MAGI3: variants seen among roughly 807,000 people sequenced by gnomAD.
MAGI3 encodes the protein membrane-associated guanylate kinase, WW and PDZ domain-containing protein 3.
In MAGI3, 43 loss-of-function variants were observed where a neutral mutation model predicts 121.8. The observed-to-expected ratio is 0.35, with a 90% CI of 0.28 to 0.46. MAGI3 has a LOEUF of 0.46. MAGI3 is among the 20% of genes least tolerant of loss of function. The probability of loss-of-function intolerance (pLI) is 1.00; values close to 1 mark genes in which losing one functional copy is unlikely to be tolerated. For synonymous variants in MAGI3, 553 were observed against 639.3 expected (o/e 0.86, Z 2.04); for missense variants, 1,547 against 1,797.3 (o/e 0.86, Z 2.52).
chr1:113,683,740 G>A lies in MAGI3; in HGVS notation c.4172G>A (p.Gly1391Glu), dbSNP rs1269591597. The A allele has an allele frequency of 6.2e-7, 1 of 1,601,000 alleles. No individual in the cohort carries two copies. The highest frequency in any genetic ancestry group is 8.5e-7 in the Non-Finnish European group (1 of 1,173,380). The change falls in exon 21 of 21, where the codon GGA becomes GAA. Residue 1391 changes from glycine to glutamate, a missense_variant. Gly to Glu is a moderately conservative substitution (Grantham distance 98). Transcript: ENST00000307546. The stretch of plus-strand genomic sequence containing the variant: ...GAAAAAGGAAAGAAAGTAACCACAG[G>A]AGAAACAAGTTCTAGTAACGATAAA... ...ENEKGKKVTT[G>E]ETSSSNDKIG...
At chr1:113,546,735 CAG>C (rs984298821) in intron 1 of MAGI3, among the ~76,000 whole-genome samples, 1 of 152,002 alleles carries the variant, frequency 6.6e-6, no homozygotes, top group Non-Finnish European at 1.5e-5. Context: ...CGGTGAAAAA[CAG>C]AGTGCAATTC....
At chr1:113,415,824 C>T (rs1431258008) in intron 1 of MAGI3, among the ~76,000 whole-genome samples, 1 of 151,882 alleles carries the variant, frequency 6.6e-6, no homozygotes, top group Non-Finnish European at 1.5e-5. Flanking sequence ...CCAATAGCTG[C>T]ACCTTCTGTA....
At chr1:113,473,060 T>A (rs1655621651) in intron 1 of MAGI3, among the ~76,000 whole-genome samples, 1 of 152,232 alleles carries the variant, frequency 6.6e-6, no homozygotes, top group African/African-American at 2.4e-5. Flanking sequence ...TCATGTATTT[T>A]CATGTTGTCA....
At chr1:113,662,842 A>G (rs535058986) in intron 16 of MAGI3, among the ~76,000 whole-genome samples, 2 of 152,320 alleles carry the variant, frequency 1.3e-5, no homozygotes, top group Non-Finnish European at 2.9e-5. Context: ...TCTAAGATCC[A>G]ATCCAGTATT....
intron 1 of MAGI3, among the ~76,000 whole-genome samples, chr1:113,531,413 G>A (rs983442596): frequency 5.3e-5 from 8 of 151,954 alleles, no homozygotes; most frequent in Non-Finnish European, 8.8e-5. Context: ...CCCTTGTTGT[G>A]GGCCTCAAGG....
chr1:113,653,834 A>G lies in MAGI3; in HGVS notation c.2445A>G (p.Lys815=), dbSNP rs1393767849. The stretch of plus-strand genomic sequence containing the variant: ...AACTGATCATGTTTATTACAGAAAA[A>G]CAACCCGAGGACGACAGCTCTCAGG... ...TVRRKIFYGE[K]QPEDDSSQAF... is the part of the protein sequence containing the mutation. The change falls in exon 15 of 21, where the codon AAA becomes AAG. Residue 815 remains lysine, a synonymous_variant. Coordinates refer to ENST00000307546, the MANE Select transcript of MAGI3 (RefSeq NM_001142782.2). The G allele has an allele frequency of 6.3e-7, 1 of 1,591,072 alleles. No homozygotes were observed. Among genetic ancestry groups the G allele is most frequent in the East Asian group, 2.3e-5 (1 of 44,396 alleles).
intron 2 of MAGI3, among the ~76,000 whole-genome samples, chr1:113,557,550 T>A (rs746561461): frequency 4.6e-5 from 7 of 152,184 alleles, no homozygotes; most frequent in Admixed American, 1.3e-4. Flanking sequence ...CCATGTTCTA[T>A]GGAACTGACA....
At chr1:113,543,659 GGAGTTT>G (rs1659394384) in intron 1 of MAGI3, among the ~76,000 whole-genome samples, 1 of 152,060 alleles carries the variant, frequency 6.6e-6, no homozygotes, top group Admixed American at 6.6e-5. Flanking sequence ...CTTGAGCTCA[GGAGTTT>G]GACACCAGTC....
At chr1:113,536,459 T>C (rs1659005141) in intron 1 of MAGI3, among the ~76,000 whole-genome samples, 1 of 152,174 alleles carries the variant, frequency 6.6e-6, no homozygotes, top group South Asian at 2.1e-4. Flanking sequence ...TTTTTCCCCC[T>C]ACTTTTTCTG....
chr1:113,444,027 T>G (rs1654046646), intron 1 of MAGI3, among the ~76,000 whole-genome samples: 1 of 152,226 alleles, frequency 6.6e-6, no homozygotes. Context: ...ATAACTATTT[T>G]GGATCTCTGG....
chr1:113,520,583 T>C (rs539859598), intron 1 of MAGI3, among the ~76,000 whole-genome samples: 1 of 151,924 alleles, frequency 6.6e-6, no homozygotes, highest in Non-Finnish European at 1.5e-5. Context: ...AAAATTTTAG[T>C]CTCCTGTTTT....
chr1:113,509,611 C>T (rs1657515181), intron 1 of MAGI3, among the ~76,000 whole-genome samples: 1 of 121,424 alleles, frequency 8.2e-6, no homozygotes, highest in Non-Finnish European at 1.7e-5. Context: ...TTATATCTGA[C>T]ACCCGACCAT....
chr1:113,542,295 G>C (rs1659326067), intron 1 of MAGI3, among the ~76,000 whole-genome samples: 1 of 152,138 alleles, frequency 6.6e-6, no homozygotes, highest in African/African-American at 2.4e-5. Context: ...TGATACAGCA[G>C]GACAAAGGGA....
intron 5 of MAGI3, among the ~76,000 whole-genome samples, chr1:113,592,550 T>C (rs965353777): frequency 1.3e-5 from 2 of 152,222 alleles, no homozygotes; most frequent in African/African-American, 4.8e-5. Flanking sequence ...TAACAATCTA[T>C]GTGGCTCCTA....
intron 1 of MAGI3, among the ~76,000 whole-genome samples, chr1:113,513,934 A>C (rs1399988656): frequency 2.0e-5 from 3 of 152,016 alleles, no homozygotes; most frequent in African/African-American, 4.8e-5. Flanking sequence ...ATTTACAAGA[A>C]AAAAACAACC....
intron 11 of MAGI3, among the ~76,000 whole-genome samples, chr1:113,645,781 C>T (rs756637237): frequency 3.9e-5 from 6 of 152,174 alleles, no homozygotes; most frequent in Non-Finnish European, 8.8e-5. Context: ...ACGAGCTGGT[C>T]TCAAAACCAT....
intron 1 of MAGI3, among the ~76,000 whole-genome samples, chr1:113,448,053 A>G (rs1654271821): frequency 6.6e-6 from 1 of 152,220 alleles, no homozygotes; most frequent in Non-Finnish European, 1.5e-5. Context: ...TTAAGTAGAC[A>G]GATGTAAATA....
chr1:113,568,872 G>A (rs1448909820), intron 2 of MAGI3, among the ~76,000 whole-genome samples: 1 of 151,874 alleles, frequency 6.6e-6, no homozygotes, highest in Non-Finnish European at 1.5e-5. Context: ...CATAGCTTTA[G>A]GAAAGGATTT....
chr1:113,395,086 A>ATTTTTTTTTTTTT (rs1651021606), intron 1 of MAGI3, among the ~76,000 whole-genome samples: 2 of 12,092 alleles, frequency 1.7e-4, no homozygotes, highest in African/African-American at 5.4e-4. Flanking sequence ...TCTTTTTGTT[A>ATTTTTTTTTTTTT]GTTTTTTTTT....
Sources: allele counts gnomAD v4.1 joint callset (sites outside exome capture counted in the v4.1 genomes callset), GRCh38; gene constraint gnomAD v4.1.1; transcripts MANE v1.5; gene names NCBI Gene and HGNC (gene_info 2026-07-23, HGNC 2026-07-21).